The following PARD3 variants were observed in gnomAD, a reference collection of about 807,000 sequenced individuals.
PARD3 encodes partitioning defective 3 homolog.
A neutral mutation model predicts 155.4 loss-of-function variants in PARD3; 75 were observed. The observed-to-expected ratio is 0.48, with a 90% CI of 0.40 to 0.58. PARD3 has a LOEUF of 0.58. PARD3 is among the 20% of genes least tolerant of loss of function. The pLI is 0.00. For missense variants in PARD3, 1,642 were observed against 1,721.7 expected (o/e 0.95, Z 0.82); for synonymous variants, 576 against 610.5 (o/e 0.94, Z 0.83).
intron 5 of PARD3, among the ~76,000 whole-genome samples, chr10:34,440,554 T>C (rs776635763): frequency 1.1e-4 from 16 of 152,124 alleles, no homozygotes; most frequent in Non-Finnish European, 1.9e-4. Context: ...AGCAGTAGTA[T>C]TCACAGGTAA....
intron 18 of PARD3, among the ~76,000 whole-genome samples, chr10:34,332,213 A>G (rs1272025451): frequency 2.6e-5 from 4 of 152,196 alleles, no homozygotes; most frequent in Non-Finnish European, 4.4e-5. Flanking sequence ...AGGACCCAAG[A>G]TAATACCAAT....
In PARD3 at chr10:34,413,138, TATATATACAC is replaced by T. The variant is rs1055557531; in HGVS notation, c.715-11231_715-11222del. Among the ~76,000 whole-genome samples, 26 of 93,626 alleles carry T rather than the reference TATATATACAC, an allele frequency of 2.8e-4. 1 individual carries two copies. The highest frequency in any genetic ancestry group is 1.3e-3 in the African/African-American group (23 of 17,944). The allele number at this position is 93,626 out of a possible 152,430, so 61.4% of individuals were successfully genotyped here. ...AAAAAACATTAGGCAGTACTTCAGA[TATATATACAC>T]ACACACACACACACACACACACACA... On this transcript the variant is annotated intron_variant, in intron 5 of 24. Coordinates refer to ENST00000374788, the MANE Select transcript of PARD3 (RefSeq NM_001184785.2).
intron 8 of PARD3, among the ~76,000 whole-genome samples, chr10:34,383,435 T>C (rs76895032): frequency 0.068 from 10,249 of 151,000 alleles, 466 homozygotes; most frequent in Non-Finnish European, 0.096. Context: ...AGAAAGTAAC[T>C]ATTAATTATT....
At chr10:34,795,078 A>G (rs1199707934) in intron 1 of PARD3, among the ~76,000 whole-genome samples, 1 of 152,234 alleles carries the variant, frequency 6.6e-6, no homozygotes, top group Non-Finnish European at 1.5e-5. Flanking sequence ...AGAGAGTGAC[A>G]GCTGCTTCTT....
intron 22 of PARD3, among the ~76,000 whole-genome samples, chr10:34,173,633 T>C (rs1314675668): frequency 6.6e-6 from 1 of 152,154 alleles, no homozygotes; most frequent in Non-Finnish European, 1.5e-5. Flanking sequence ...TATATCACAA[T>C]GGCAAAGCTA....
chr10:34,733,331 C>CA (rs2094851786), intron 1 of PARD3, among the ~76,000 whole-genome samples: 1 of 152,148 alleles, frequency 6.6e-6, no homozygotes, highest in South Asian at 2.1e-4. Flanking sequence ...CCCTTACAAT[C>CA]ACTCTTCCAA....
intron 4 of PARD3, among the ~76,000 whole-genome samples, chr10:34,456,945 G>A (rs984954296): frequency 4.0e-5 from 6 of 151,868 alleles, no homozygotes; most frequent in Non-Finnish European, 7.4e-5. Context: ...TTTTCACAGT[G>A]GAATTCTAAT....
chr10:34,403,070 C>G (rs1484153417), intron 5 of PARD3, among the ~76,000 whole-genome samples: 2 of 152,134 alleles, frequency 1.3e-5, no homozygotes, highest in Admixed American at 6.5e-5. Flanking sequence ...GTCTTTGGCA[C>G]CTACTAGAAG....
At chr10:34,699,780 CA>C (rs1266795315) in intron 1 of PARD3, among the ~76,000 whole-genome samples, 3 of 152,128 alleles carry the variant, frequency 2.0e-5, no homozygotes, top group Non-Finnish European at 4.4e-5. Flanking sequence ...GAGACTAAGG[CA>C]GGGGGATCCC....
rs74376062 is a variant in PARD3, at chr10:34,556,353, C to T, written c.223-39194G>A. 5.3e-5 allele frequency among the ~76,000 whole-genome samples: 8 copies of T among 151,374 alleles called. No individual in the cohort carries two copies. In the East Asian group the frequency reaches 1.4e-3, roughly 26 times the overall value. ...AAGAAGAATTTAATAGACACAACTG[C>T]GCTACCACCCTTCCAATTCCTTTTC... On this transcript the variant is annotated intron_variant, in intron 2 of 24. Coordinates refer to ENST00000374788, the MANE Select transcript of PARD3 (RefSeq NM_001184785.2).
chr10:34,362,013 C>T (rs192821469), intron 12 of PARD3, among the ~76,000 whole-genome samples: 4 of 152,210 alleles, frequency 2.6e-5, no homozygotes, highest in Admixed American at 2.6e-4. Flanking sequence ...CGTGGTGGCT[C>T]ACGCCCATAA....
At chr10:34,162,433 C>T (rs528750057) in intron 22 of PARD3, among the ~76,000 whole-genome samples, 1 of 152,192 alleles carries the variant, frequency 6.6e-6, no homozygotes, top group South Asian at 2.1e-4. Context: ...TTTTCGTGGT[C>T]GTGAGACAAG....
rs550223745 is a variant in PARD3 at position 34,183,006 on chromosome 10, GAAGA to G, written c.3420-51427_3420-51424del. Reference sequence around the variant, plus strand: ...GGGGAAACAAAAAATACATGATAGAGAAGAAAGAAAGTATCACTGAGCCACTAGA... The same window carrying G: ...GGGGAAACAAAAAATACATGATAGAGAAGAAAGTATCACTGAGCCACTAGA... On this transcript the variant is annotated intron_variant, in intron 22 of 24. Coordinates refer to ENST00000374788, the MANE Select transcript of PARD3 (RefSeq NM_001184785.2). 5.9e-5 allele frequency among the ~76,000 whole-genome samples: 9 copies of G among 152,258 alleles called. No individual in the cohort carries two copies. The South Asian group carries it at 1.7e-3, about 28-fold the overall frequency.
chr10:34,636,222 G>C (rs565225422), intron 2 of PARD3, among the ~76,000 whole-genome samples: 1 of 152,160 alleles, frequency 6.6e-6, no homozygotes, highest in South Asian at 2.1e-4. Flanking sequence ...CCAAACCAGG[G>C]CCAGCACTCC....
At chr10:34,752,329 T>C (rs1590952158) in intron 1 of PARD3, among the ~76,000 whole-genome samples, 1 of 151,922 alleles carries the variant, frequency 6.6e-6, no homozygotes, top group African/African-American at 2.4e-5. Context: ...ATAAAGGCTA[T>C]CTCTGTCCCA....
At chr10:34,424,672 G>A (rs997402019) in intron 5 of PARD3, among the ~76,000 whole-genome samples, 3 of 151,856 alleles carry the variant, frequency 2.0e-5, no homozygotes, top group African/African-American at 4.8e-5. Flanking sequence ...GCACCACCAC[G>A]CCGGACTAAT....
chr10:34,518,398 AAAT>A (rs2081924788), intron 2 of PARD3, among the ~76,000 whole-genome samples: 1 of 152,176 alleles, frequency 6.6e-6, no homozygotes, highest in Non-Finnish European at 1.5e-5. Flanking sequence ...GCTCCTTGAA[AAAT>A]GGTTGATTTC....
At chr10:34,345,754 T>C in intron 15 of PARD3, 1 of 985,406 alleles carries the variant, frequency 1.0e-6, no homozygotes, top group South Asian at 4.7e-5. Context: ...CCTAATGCCT[T>C]GTTTGGGCAT....
intron 1 of PARD3, among the ~76,000 whole-genome samples, chr10:34,786,861 G>A (rs1345428025): frequency 6.6e-6 from 1 of 152,076 alleles, no homozygotes; most frequent in African/African-American, 2.4e-5. Flanking sequence ...GGCCAAAAAT[G>A]GCATGCAGAG....
Sources: gnomAD v4.1 joint callset for allele counts (sites outside exome capture counted in the v4.1 genomes callset) on GRCh38, gnomAD v4.1.1 for gene constraint, MANE v1.5 for transcripts, NCBI Gene and HGNC (gene_info 2026-07-23, HGNC 2026-07-21) for gene names.